STARD3NL: variants seen among roughly 807,000 people sequenced by gnomAD.
The protein encoded by STARD3NL is STARD3 N-terminal like.
STARD3NL carries 17 observed loss-of-function variants against 30.9 expected under a neutral mutation model. That is an observed-to-expected ratio of 0.55 (90% CI 0.38 to 0.82). The LOEUF is 0.82. Among genes scored for constraint, STARD3NL ranks in the 40% least tolerant of loss-of-function variants. STARD3NL has a pLI of 0.00. For synonymous variants in STARD3NL, 112 were observed against 100.5 expected, an observed-to-expected ratio of 1.11 and a Z score of -0.69; for missense variants, 234 against 277.6, an observed-to-expected ratio of 0.84 and a Z score of 1.12.
In STARD3NL at chr7:38,203,787, A is replaced by G. The variant is rs183708763; in HGVS notation, c.-58-3660A>G. Among the ~76,000 whole-genome samples the G allele has an allele frequency of 8.5e-5, 13 of 152,272 alleles. 1 individual carries two copies. The highest frequency in any genetic ancestry group is 2.6e-4 in the Admixed American group (4 of 15,292). On this transcript the variant is annotated intron_variant, in intron 1 of 8. Transcript: ENST00000009041. ...CAAAATAAAGGGATGGAGGAAGATC[A>G]ACCAAGCAAATGGAAAACAAAAAAA...
rs974972799 is a variant in STARD3NL at position 38,213,199 on chromosome 7, C to T, written c.226-1158C>T. ...TGGATGTTGACAAGTTTCCTTAGTCCGGAGAGACAGTAATGAGACTAAATG... is the reference window on the plus strand; with the variant it reads ...TGGATGTTGACAAGTTTCCTTAGTCTGGAGAGACAGTAATGAGACTAAATG... On this transcript the variant is annotated intron_variant, in intron 2 of 8. Coordinates refer to ENST00000009041, the MANE Select transcript of STARD3NL (RefSeq NM_032016.4). Among the ~76,000 whole-genome samples the T allele has an allele frequency of 2.0e-5, 3 of 152,042 alleles. 1 individual carries two copies. Among genetic ancestry groups the T allele is most frequent in the Admixed American group, 6.6e-5 (1 of 15,248 alleles).
At chr7:38,220,796 T>C (rs1786412332) in intron 7 of STARD3NL, among the ~76,000 whole-genome samples, 1 of 152,176 alleles carries the variant, frequency 6.6e-6, no homozygotes, top group Non-Finnish European at 1.5e-5. Context: ...CAATGGAATA[T>C]TATTCTCCAT....
intron 2 of STARD3NL, among the ~76,000 whole-genome samples, chr7:38,211,631 T>TA (rs1785808790): frequency 6.6e-6 from 1 of 152,298 alleles, no homozygotes; most frequent in Non-Finnish European, 1.5e-5. Context: ...GGTGAGCTGT[T>TA]ACAGATTCTG....
chr7:38,222,626 A>G (rs1786534784), intron 7 of STARD3NL, among the ~76,000 whole-genome samples: 1 of 152,220 alleles, frequency 6.6e-6, no homozygotes, highest in South Asian at 2.1e-4. Flanking sequence ...ATGCCTCATC[A>G]AACTTTCTAG....
At chr7:38,179,457 A>C (rs1450406339) in intron 1 of STARD3NL, among the ~76,000 whole-genome samples, 3 of 152,246 alleles carry the variant, frequency 2.0e-5, no homozygotes, top group Non-Finnish European at 4.4e-5. Flanking sequence ...GCATTGCCTA[A>C]AACTGCATGA....
intron 1 of STARD3NL, among the ~76,000 whole-genome samples, chr7:38,195,124 C>G: frequency 6.6e-6 from 1 of 152,252 alleles, no homozygotes; most frequent in Middle Eastern, 3.4e-3. Context: ...GTGGCACAGT[C>G]TCGGCTCACT....
At chr7:38,204,601 C>G (rs892797164) in intron 1 of STARD3NL, among the ~76,000 whole-genome samples, 1 of 152,158 alleles carries the variant, frequency 6.6e-6, no homozygotes, top group Non-Finnish European at 1.5e-5. Flanking sequence ...CAAACACATT[C>G]AAAAGCTAGC....
rs1562632591 is a variant in STARD3NL, at chr7:38,230,327, A to C, written c.*422A>C. ...ATTTATTTTGTATTTCTTTTTTAAC[A>C]CTCTACATTTCCCTTGTTTTTTAAC... On this transcript the variant is annotated 3_prime_UTR_variant, in exon 9 of 9. Coordinates refer to ENST00000009041, the MANE Select transcript of STARD3NL (RefSeq NM_032016.4). 1 of 152,452 alleles carries C rather than the reference A, an allele frequency of 6.6e-6. No individual in the cohort carries two copies. Among genetic ancestry groups the C allele is most frequent in the Admixed American group, 6.6e-5 (1 of 15,260 alleles). 9.4% of individuals were successfully genotyped at this position (152,452 alleles called of 1,614,324 possible).
intron 1 of STARD3NL, chr7:38,179,258 C>T (rs888584169): frequency 3.3e-5 from 5 of 152,194 alleles, no homozygotes; most frequent in African/African-American, 4.8e-5. Flanking sequence ...CATATCTACC[C>T]ATACGCCTCT....
chr7:38,205,279 T>C (rs1305781898), intron 1 of STARD3NL, among the ~76,000 whole-genome samples: 1 of 152,210 alleles, frequency 6.6e-6, no homozygotes, highest in African/African-American at 2.4e-5. Context: ...ATCAAAAAGC[T>C]TATCCACCAT....
intron 4 of STARD3NL, chr7:38,215,618 CCTGGCAT>C (rs1482785547): frequency 6.5e-6 from 1 of 153,836 alleles, no homozygotes; most frequent in East Asian, 1.9e-4. Flanking sequence ...TCCTCTGTTT[CCTGGCAT>C]CTAGCACAGA....
chr7:38,182,219 G>A (rs140300436), intron 1 of STARD3NL, among the ~76,000 whole-genome samples: 12 of 152,132 alleles, frequency 7.9e-5, no homozygotes, highest in Non-Finnish European at 1.3e-4. Context: ...ATCTTTGAGA[G>A]ACACACTGTT....
chr7:38,216,946 C>G, intron 4 of STARD3NL, 79 bp from the exon 5 acceptor site: 1 of 1,542,852 alleles, frequency 6.5e-7, no homozygotes, highest in Admixed American at 1.8e-5. Context: ...CTGGCTCAGA[C>G]GGGTCTCTTG....
At chr7:38,217,118 G>A (rs963023466) in intron 5 of STARD3NL, 40 bp downstream of exon 5, 3 of 1,613,722 alleles carry the variant, frequency 1.9e-6, no homozygotes, top group Non-Finnish European at 2.5e-6. Flanking sequence ...ACCATCTTCA[G>A]TGATGAAGCC....
At chr7:38,207,425 G>A (rs1562612444) in intron 1 of STARD3NL, 22 bp from the exon 2 acceptor site, 5 of 1,170,612 alleles carry the variant, frequency 4.3e-6, no homozygotes, top group Non-Finnish European at 6.1e-6. Flanking sequence ...TTAACATGGT[G>A]TCTCTTTTTT....
At chr7:38,191,681 A>AT (rs1344443042) in intron 1 of STARD3NL, among the ~76,000 whole-genome samples, 1 of 152,218 alleles carries the variant, frequency 6.6e-6, no homozygotes, top group Non-Finnish European at 1.5e-5. Context: ...CTTTGTCAAA[A>AT]TTGAAATGAC....
intron 1 of STARD3NL, among the ~76,000 whole-genome samples, chr7:38,182,682 A>G (rs1784299293): frequency 6.6e-6 from 1 of 152,216 alleles, no homozygotes; most frequent in Non-Finnish European, 1.5e-5. Context: ...CTTGTGGTGA[A>G]TCAAGATTAA....
chr7:38,193,599 G>A (rs916551598), intron 1 of STARD3NL, among the ~76,000 whole-genome samples: 1 of 152,104 alleles, frequency 6.6e-6, no homozygotes, highest in Non-Finnish European at 1.5e-5. Flanking sequence ...CGCCCAGCCA[G>A]GATTAGTTTT....
intron 7 of STARD3NL, among the ~76,000 whole-genome samples, chr7:38,220,349 A>T (rs1786380769): frequency 6.6e-6 from 1 of 152,260 alleles, no homozygotes; most frequent in Admixed American, 6.5e-5. Context: ...AAGAAGATAA[A>T]CAAATGGCCA....
Sources: allele counts gnomAD v4.1 joint callset (sites outside exome capture counted in the v4.1 genomes callset), GRCh38; gene constraint gnomAD v4.1.1; transcripts MANE v1.5; gene names NCBI Gene and HGNC (gene_info 2026-07-23, HGNC 2026-07-21).